The following RAD51B variants were observed in gnomAD, a reference collection of about 807,000 sequenced individuals.
RAD51B encodes the protein DNA repair protein RAD51 homolog 2.
A neutral mutation model predicts 42.2 loss-of-function variants in RAD51B; 38 were observed. The ratio of observed to expected loss-of-function variants is 0.90; its 90% CI spans 0.70 to 1.18. The LOEUF (loss-of-function observed/expected upper bound fraction) is 1.18, where lower values mean the gene tolerates loss of function less well. RAD51B is among the 50% of genes most tolerant of loss of function. The probability of loss-of-function intolerance (pLI) is 0.00; values close to 1 mark genes in which losing one functional copy is unlikely to be tolerated. For synonymous variants in RAD51B, 154 were observed against 145.2 expected, an observed-to-expected ratio of 1.06 and a Z score of -0.43; for missense variants, 373 against 400.7, an observed-to-expected ratio of 0.93 and a Z score of 0.59.
At chr14:68,360,310 G>A (rs572036154) in intron 8 of RAD51B, among the ~76,000 whole-genome samples, 1 of 152,300 alleles carries the variant, frequency 6.6e-6, no homozygotes, top group Non-Finnish European at 1.5e-5. Flanking sequence ...ACCCTTCCCT[G>A]GCTGAAGTCC....
intron 9 of RAD51B, among the ~76,000 whole-genome samples, chr14:68,443,834 T>G (rs2085357110): frequency 6.6e-6 from 1 of 151,062 alleles, no homozygotes; most frequent in African/African-American, 2.4e-5. Flanking sequence ...AAACATGAAT[T>G]TGTGTTTAAA....
At chr14:68,365,910 CT>C (rs1314991023) in intron 8 of RAD51B, among the ~76,000 whole-genome samples, 7 of 151,780 alleles carry the variant, frequency 4.6e-5, no homozygotes, top group Non-Finnish European at 8.8e-5. Flanking sequence ...CATTTCCTGA[CT>C]TTTTTTTAGT....
At chr14:68,103,300 C>T (rs914280167) in intron 7 of RAD51B, among the ~76,000 whole-genome samples, 2 of 152,076 alleles carry the variant, frequency 1.3e-5, no homozygotes, top group Non-Finnish European at 2.9e-5. Flanking sequence ...TAATTCAAAA[C>T]CTCAGGAGTT....
intron 8 of RAD51B, among the ~76,000 whole-genome samples, chr14:68,388,515 A>G (rs1293461091): frequency 6.6e-6 from 1 of 152,174 alleles, no homozygotes; most frequent in Non-Finnish European, 1.5e-5. Flanking sequence ...AGAGACATAT[A>G]TCACCAATCA....
At chr14:67,891,776 A>G (rs143558335) in intron 7 of RAD51B, among the ~76,000 whole-genome samples, 20 of 152,274 alleles carry the variant, frequency 1.3e-4, no homozygotes, top group African/African-American at 4.3e-4. Flanking sequence ...AAACTAGGCC[A>G]CTTCATTTAA....
At chr14:68,351,770 T>C (rs1311699791) in intron 8 of RAD51B, among the ~76,000 whole-genome samples, 1 of 152,198 alleles carries the variant, frequency 6.6e-6, no homozygotes, top group East Asian at 1.9e-4. Flanking sequence ...GTTTTTGGTC[T>C]TTATTCTAAG....
chr14:68,072,054 T>C (rs1028307636), intron 7 of RAD51B, among the ~76,000 whole-genome samples: 4 of 119,140 alleles, frequency 3.4e-5, no homozygotes, highest in Non-Finnish European at 6.5e-5. Context: ...TATATATAAT[T>C]ATATATATTT....
At chr14:68,254,093 G>A (rs2080700798) in intron 7 of RAD51B, among the ~76,000 whole-genome samples, 1 of 152,154 alleles carries the variant, frequency 6.6e-6, no homozygotes, top group African/African-American at 2.4e-5. Context: ...ACTTGGAAAG[G>A]ACTTGCCTTC....
chr14:68,556,040 C>T (rs1182814152), intron 10 of RAD51B, among the ~76,000 whole-genome samples: 1 of 152,264 alleles, frequency 6.6e-6, no homozygotes, highest in African/African-American at 2.4e-5. Flanking sequence ...GGAATCGGCA[C>T]AGTGAGTTCC....
intron 1 of RAD51B, chr14:67,822,356 G>A (rs1234014484): frequency 6.6e-6 from 1 of 152,064 alleles, no homozygotes; most frequent in East Asian, 1.9e-4. Context: ...TTAACTGCAT[G>A]TGAGAATATA....
In RAD51B at chr14:67,950,059, G is replaced by A. The variant is rs570445712; in HGVS notation, c.756+62855G>A. ...TTTAGCATAACTTTTGGGGGCCCTA[G>A]GATTTTCAGAGAATGGCCAGTGAGT... On this transcript the variant is annotated intron_variant, in intron 7 of 10. Coordinates refer to ENST00000471583, the MANE Select transcript of RAD51B (RefSeq NM_133510.4). 3.0e-4 allele frequency among the ~76,000 whole-genome samples: 45 copies of A among 152,212 alleles called. 1 individual carries two copies. The South Asian group carries it at 9.3e-3, about 32-fold the overall frequency.
chr14:68,594,871 A>G (rs1890924454), exon 11 of RAD51B: 1 of 1,150,412 alleles, frequency 8.7e-7, no homozygotes, highest in African/African-American at 1.5e-5. Context: ...CACACAGCCC[A>G]TGCCCTCCAC....
chr14:68,095,070 T>G (rs532339575), intron 7 of RAD51B, among the ~76,000 whole-genome samples: 3 of 152,322 alleles, frequency 2.0e-5, no homozygotes, highest in African/African-American at 7.2e-5. Flanking sequence ...GCTTGTGAAA[T>G]TAAAATTCTT....
intron 7 of RAD51B, among the ~76,000 whole-genome samples, chr14:68,124,781 A>G (rs147016406): frequency 2.3e-4 from 35 of 152,090 alleles, no homozygotes; most frequent in African/African-American, 7.5e-4. Flanking sequence ...GTGAAACCCC[A>G]TCTCTACTAA....
At chr14:68,208,715 A>T (rs921372925) in intron 7 of RAD51B, among the ~76,000 whole-genome samples, 1 of 152,218 alleles carries the variant, frequency 6.6e-6, no homozygotes, top group South Asian at 2.1e-4. Context: ...CTGGAAAATG[A>T]TAGAGCTTGA....
rs145427854 is a variant in RAD51B, at chr14:68,203,800, G to T, written c.757-88084G>T. Among the ~76,000 whole-genome samples the T allele has an allele frequency of 4.4e-3, 674 of 152,286 alleles. 6 individuals carry two copies. Among genetic ancestry groups the T allele is most frequent in the Non-Finnish European group, 4.8e-3 (327 of 68,012 alleles). ...GCACTTGCTGCTTCACTTTGTATTT[G>T]TATGTTACAGAGGTGGCCTCTTTCC... On this transcript the variant is annotated intron_variant, in intron 7 of 10. Transcript: ENST00000471583.
At chr14:67,994,079 G>GT (rs761986528) in intron 7 of RAD51B, among the ~76,000 whole-genome samples, 15 of 151,938 alleles carry the variant, frequency 9.9e-5, no homozygotes, top group Admixed American at 2.0e-4. Flanking sequence ...GGTAGAATTT[G>GT]TTTTTTCAGG....
At chr14:68,518,554 G>GCCCCCCCCCCCCCGC (rs11341781) in intron 10 of RAD51B, among the ~76,000 whole-genome samples, 1 of 137,360 alleles carries the variant, frequency 7.3e-6, no homozygotes, top group Non-Finnish European at 1.6e-5. Context: ...GGTCATATGA[G>GCCCCCCCCCCCCCGC]CCCCCCCCCC....
chr14:68,424,967 G>T (rs1305613021), intron 9 of RAD51B, among the ~76,000 whole-genome samples: 3 of 152,162 alleles, frequency 2.0e-5, no homozygotes, highest in Non-Finnish European at 4.4e-5. Flanking sequence ...TAGAGATGGG[G>T]TCTTGCTGTG....
Sources: allele counts gnomAD v4.1 joint callset (sites outside exome capture counted in the v4.1 genomes callset), GRCh38; gene constraint gnomAD v4.1.1; transcripts MANE v1.5; gene names NCBI Gene and HGNC (gene_info 2026-07-23, HGNC 2026-07-21).